CC2D2A: variants seen among roughly 807,000 people sequenced by gnomAD.
CC2D2A encodes coiled-coil and C2 domain-containing protein 2A.
CC2D2A carries 155 observed loss-of-function variants against 212.9 expected under a neutral mutation model. The observed-to-expected ratio is 0.73, with a 90% CI of 0.64 to 0.83. CC2D2A has a LOEUF of 0.83. Among genes scored for constraint, CC2D2A ranks in the 40% least tolerant of loss-of-function variants. The pLI is 0.00. For synonymous variants in CC2D2A, 667 were observed against 686.5 expected (o/e 0.97, Z 0.44); for missense variants, 1,856 against 1,956.2 (o/e 0.95, Z 0.97).
At chr4:15,589,798 TACAC>T in intron 33 of CC2D2A, 119 bp downstream of exon 33, 1 of 261,976 alleles carries the variant, frequency 3.8e-6, no homozygotes, top group Non-Finnish European at 5.7e-6. Flanking sequence ...TATATATATA[TACAC>T]ACATATATAT....
chr4:15,574,908 C>T (rs1720333688), intron 29 of CC2D2A, among the ~76,000 whole-genome samples: 1 of 152,220 alleles, frequency 6.6e-6, no homozygotes, highest in East Asian at 1.9e-4. Context: ...CTTCATTAAA[C>T]CTATTTATGC....
At chr4:15,491,327 T>A (rs1715294573) in intron 4 of CC2D2A, among the ~76,000 whole-genome samples, 1 of 152,194 alleles carries the variant, frequency 6.6e-6, no homozygotes, top group African/African-American at 2.4e-5. Flanking sequence ...TAACTTGCAC[T>A]TCCCTCATGA....
chr4:15,484,603 C>T (rs1195858374), intron 4 of CC2D2A, among the ~76,000 whole-genome samples: 1 of 151,420 alleles, frequency 6.6e-6, no homozygotes, highest in African/African-American at 2.4e-5. Context: ...TGTGGGAAAT[C>T]TGGGTATTTG....
chr4:15,541,897 G>C (rs1463254173), intron 17 of CC2D2A, among the ~76,000 whole-genome samples: 1 of 152,084 alleles, frequency 6.6e-6, no homozygotes, highest in Non-Finnish European at 1.5e-5. Flanking sequence ...CAGTTCTGGA[G>C]GCCTAAAGTC....
chr4:15,559,178 G>A lies in CC2D2A; in HGVS notation c.2843G>A (p.Arg948Gln), dbSNP rs532411276. The part of the protein sequence containing the change: ...MEKVFQDYEK[R>Q]LRDRNVIETK... ...TTTTAATTTTAGGACTATGAGAAAC[G>A]GTTACGAGACAGAAATGTAATAGAA... The change falls in exon 22 of 37, where the codon CGG (arginine) becomes CAG (glutamine). Residue 948 changes from arginine (R) to glutamine (Q), a missense_variant. Arg to Gln is a conservative substitution (Grantham distance 43). Around this residue, in one of 5 missense-constraint regions of CC2D2A, gnomAD observed 1,512 missense variants for 1,579.3 expected, o/e 0.96. Transcript: ENST00000424120. The A allele has an allele frequency of 9.6e-5, 148 of 1,547,426 alleles. 3 individuals carry two copies. The South Asian group carries it at 1.5e-3, about 16-fold the overall frequency.
At chr4:15,566,751 C>T (rs965718764) in intron 24 of CC2D2A, among the ~76,000 whole-genome samples, 4 of 152,116 alleles carry the variant, frequency 2.6e-5, no homozygotes, top group Non-Finnish European at 5.9e-5. Context: ...ACAGGAGGAT[C>T]ACTTGAACGC....
chr4:15,570,051 G>C (rs1720084584), intron 27 of CC2D2A, among the ~76,000 whole-genome samples: 1 of 152,188 alleles, frequency 6.6e-6, no homozygotes, highest in Non-Finnish European at 1.5e-5. Context: ...TGTATCAATG[G>C]GGACAGGGGA....
At chr4:15,600,912 A>AAAG (rs1226408403) in intron 36 of CC2D2A, among the ~76,000 whole-genome samples, 3 of 131,006 alleles carry the variant, frequency 2.3e-5, no homozygotes, top group African/African-American at 8.1e-5. Context: ...TCAAAAAAAA[A>AAAG]AAAAAAAAAG....
At chr4:15,522,840 C>T (rs546146060) in intron 11 of CC2D2A, among the ~76,000 whole-genome samples, 1 of 151,942 alleles carries the variant, frequency 6.6e-6, no homozygotes, top group South Asian at 2.1e-4. Context: ...AAAAGCAGGC[C>T]CGGCGCAGTG....
chr4:15,514,617 G>T, intron 8 of CC2D2A, 90 bp from the exon 9 acceptor site: 1 of 977,528 alleles, frequency 1.0e-6, no homozygotes. Context: ...TGTAGGAAAT[G>T]TTAAGTTTCA....
chr4:15,488,966 A>G (rs1283806564), intron 4 of CC2D2A, among the ~76,000 whole-genome samples: 3 of 152,240 alleles, frequency 2.0e-5, no homozygotes, highest in Non-Finnish European at 4.4e-5. Context: ...CAAATAAAAT[A>G]AACATCTAGT....
At chr4:15,478,160 G>A (rs762332108) in intron 2 of CC2D2A, among the ~76,000 whole-genome samples, 3 of 152,304 alleles carry the variant, frequency 2.0e-5, no homozygotes, top group South Asian at 2.1e-4. Context: ...AAGAGGAAAC[G>A]AAGTTTGCGC....
chr4:15,500,027 G>C (rs1715833628), intron 4 of CC2D2A, among the ~76,000 whole-genome samples: 1 of 151,118 alleles, frequency 6.6e-6, no homozygotes, highest in Non-Finnish European at 1.5e-5. Context: ...CTGAGTAATT[G>C]TGTCATTATT....
At chr4:15,484,336 TA>T (rs1714877823) in intron 4 of CC2D2A, among the ~76,000 whole-genome samples, 1 of 152,018 alleles carries the variant, frequency 6.6e-6, no homozygotes, top group African/African-American at 2.4e-5. Flanking sequence ...AGGAAAAAAA[TA>T]AAATCAGAAG....
At chr4:15,586,302 GCTAA>G (rs1254194989) in intron 31 of CC2D2A, 56 bp downstream of exon 31, 15 of 1,080,432 alleles carry the variant, frequency 1.4e-5, no homozygotes, top group Admixed American at 2.4e-5. Flanking sequence ...TGAAATATTA[GCTAA>G]CTGACTTGCA....
At chr4:15,501,700 G>T (rs1039155556) in intron 4 of CC2D2A, among the ~76,000 whole-genome samples, 1 of 152,096 alleles carries the variant, frequency 6.6e-6, no homozygotes, top group East Asian at 1.9e-4. Flanking sequence ...CCACATCCTA[G>T]GTGTGTGATG....
intron 2 of CC2D2A, among the ~76,000 whole-genome samples, chr4:15,476,298 G>A (rs1236171729): frequency 6.6e-6 from 1 of 152,180 alleles, no homozygotes; most frequent in African/African-American, 2.4e-5. Flanking sequence ...CTGATCAGTA[G>A]GCCACCTGTG....
At chr4:15,472,794 C>T (rs1354610706) in intron 1 of CC2D2A, among the ~76,000 whole-genome samples, 4 of 152,034 alleles carry the variant, frequency 2.6e-5, no homozygotes, top group Non-Finnish European at 5.9e-5. Flanking sequence ...TTTACATTTT[C>T]CTTCCTCTAT....
intron 11 of CC2D2A, among the ~76,000 whole-genome samples, chr4:15,517,242 C>T (rs377480985): frequency 1.1e-4 from 17 of 151,750 alleles, no homozygotes; most frequent in African/African-American, 4.1e-4. Flanking sequence ...CCACCGCGCC[C>T]AGCCCAATGC....
Sources: gnomAD v4.1 joint callset for allele counts (sites outside exome capture counted in the v4.1 genomes callset) on GRCh38, gnomAD v4.1.1 for gene constraint, gnomAD v4.1.1 regional missense constraint, MANE v1.5 for transcripts, NCBI Gene and HGNC (gene_info 2026-07-23, HGNC 2026-07-21) for gene names.